CTDP1: variants seen among roughly 807,000 people sequenced by gnomAD.
CTDP1 encodes the protein CTD phosphatase 1, also known as RNA polymerase II subunit A C-terminal domain phosphatase.
CTDP1 carries 47 observed loss-of-function variants against 91.8 expected under a neutral mutation model. The ratio of observed to expected loss-of-function variants is 0.51; its 90% CI spans 0.41 to 0.65. The LOEUF (loss-of-function observed/expected upper bound fraction) is 0.65, where lower values mean the gene tolerates loss of function less well. Ranked by LOEUF, CTDP1 falls within the 30% of genes least tolerant of loss-of-function variation. The probability of loss-of-function intolerance (pLI) is 0.00; values close to 1 mark genes in which losing one functional copy is unlikely to be tolerated. For synonymous variants in CTDP1, 656 were observed against 598.5 expected (o/e 1.10, Z -1.40); for missense variants, 1,272 against 1,373.7 (o/e 0.93, Z 1.17).
intron 1 of CTDP1, chr18:79,685,380 G>C (rs2122381064): frequency 6.6e-6 from 1 of 152,244 alleles, no homozygotes; most frequent in South Asian, 2.1e-4. Flanking sequence ...AATCGCCACA[G>C]AAAGGGGAAG....
intron 1 of CTDP1, chr18:79,685,593 A>G (rs1405550190): frequency 6.6e-6 from 1 of 152,210 alleles, no homozygotes; most frequent in African/African-American, 2.4e-5. Flanking sequence ...GATCATTCCA[A>G]CAGCAACGGT....
intron 12 of CTDP1, among the ~76,000 whole-genome samples, chr18:79,748,064 A>G (rs1300702174): frequency 6.6e-6 from 1 of 152,194 alleles, no homozygotes; most frequent in Non-Finnish European, 1.5e-5. Context: ...CCCAAATTCT[A>G]TCTGTTAACA....
intron 10 of CTDP1, among the ~76,000 whole-genome samples, chr18:79,720,736 G>C (rs1199433864): frequency 6.6e-6 from 1 of 152,134 alleles, no homozygotes; most frequent in African/African-American, 2.4e-5. Context: ...AGCTCTTCGA[G>C]GCCAGCAGGT....
At chr18:79,711,295 T>C (rs2086078842) in intron 6 of CTDP1, among the ~76,000 whole-genome samples, 1 of 152,172 alleles carries the variant, frequency 6.6e-6, no homozygotes, top group South Asian at 2.1e-4. Flanking sequence ...TTTTCATTCC[T>C]ATGCGAAGAC....
intron 12 of CTDP1, among the ~76,000 whole-genome samples, chr18:79,748,557 G>A (rs1296340117): frequency 1.3e-5 from 2 of 152,198 alleles, no homozygotes; most frequent in Non-Finnish European, 2.9e-5. Flanking sequence ...TACCAGCATC[G>A]TGAGGTCCAG....
At chr18:79,755,834 G>A (rs999168418), downstream of CTDP1, 2 of 152,828 alleles carry the variant, frequency 1.3e-5, no homozygotes, top group Admixed American at 1.3e-4. Context: ...CTGGCCTAGG[G>A]GTGAAGAGGA....
chr18:79,717,304 G>GGCCTT (rs1277997018), intron 8 of CTDP1, among the ~76,000 whole-genome samples: 1 of 149,094 alleles, frequency 6.7e-6, no homozygotes, highest in African/African-American at 2.5e-5. Context: ...GCCGAGTGAG[G>GGCCTT]GCCTTGGTGG....
chr18:79,709,204 C>T (rs2086029905), intron 5 of CTDP1, among the ~76,000 whole-genome samples: 3 of 152,074 alleles, frequency 2.0e-5, no homozygotes, highest in Non-Finnish European at 4.4e-5. Context: ...TGTTTAGTAC[C>T]CCTACTTCTA....
chr18:79,688,284 G>A (rs1018929974), intron 1 of CTDP1, among the ~76,000 whole-genome samples: 1 of 152,224 alleles, frequency 6.6e-6, no homozygotes, highest in African/African-American at 2.4e-5. Flanking sequence ...TTTGTTTTGA[G>A]ATGAAGTTTC....
chr18:79,678,581 G>A (rs753193791), upstream of CTDP1: 10 of 152,088 alleles, frequency 6.6e-5, no homozygotes, highest in African/African-American at 1.2e-4. Flanking sequence ...GTCTCCGCTC[G>A]TTTTCAGGCC....
intron 8 of CTDP1, 22 bp from the exon 9 acceptor site, chr18:79,717,513 G>C (rs1568198161): frequency 1.9e-6 from 3 of 1,611,420 alleles, no homozygotes; most frequent in Non-Finnish European, 1.7e-6. Flanking sequence ...GGAACAGCCT[G>C]ACGCAGCCGG....
At chr18:79,747,797 G>A (rs2086910996) in intron 12 of CTDP1, among the ~76,000 whole-genome samples, 2 of 152,170 alleles carry the variant, frequency 1.3e-5, no homozygotes, top group Admixed American at 1.3e-4. Context: ...TGTTCCCGCG[G>A]CCACGCTGGC....
At chr18:79,702,648 A>G (rs1053318011) in intron 4 of CTDP1, 1 of 152,238 alleles carries the variant, frequency 6.6e-6, no homozygotes, top group Non-Finnish European at 1.5e-5. Flanking sequence ...TGTTGGGATT[A>G]TAGGCATTGA....
intron 1 of CTDP1, among the ~76,000 whole-genome samples, chr18:79,692,954 G>A (rs1374129181): frequency 6.6e-6 from 1 of 152,288 alleles, no homozygotes; most frequent in Non-Finnish European, 1.5e-5. Flanking sequence ...GGGAAAGGAC[G>A]TGGGGCCATT....
At position 79,680,054 on chromosome 18, in the gene CTDP1, G is replaced by T. The variant is rs2085324429; in HGVS notation, c.107G>T (p.Arg36Met). Residue 36 changes from arginine (R) to methionine (M), a missense_variant, in exon 1 of 13, where the codon AGG (arginine) becomes ATG (methionine). Physicochemically the swap from Arg to Met is moderately conservative, Grantham distance 91 (BLOSUM62 -1). This residue lies in a region of CTDP1 where 214 missense variants were observed against 179.1 expected (regional missense o/e 1.19). Transcript: ENST00000613122. ...GCGCCGCTGCGCCTGCTGGAGTGGA[G>T]GGTGGCGGCGGGCGCGGCCGTGCGC... Reference protein sequence around the residue: ...GPAPLRLLEWRVAAGAAVRIG... With the variant: ...GPAPLRLLEWMVAAGAAVRIG... 4.0e-6 allele frequency: 5 copies of T among 1,252,902 alleles called. No individual in the cohort carries two copies. The highest frequency in any genetic ancestry group is 5.0e-6 in the Non-Finnish European group (5 of 1,003,194). 77.6% of individuals were successfully genotyped at this position (1,252,902 alleles called of 1,614,324 possible).
chr18:79,685,285 C>T (rs544116532), intron 1 of CTDP1: 1 of 152,330 alleles, frequency 6.6e-6, no homozygotes, highest in South Asian at 2.1e-4. Context: ...TCTGACAGGT[C>T]ACCATCTTTC....
Position 79,695,122 on chromosome 18 carries a change from T to C in CTDP1, c.315-103T>C, listed in dbSNP as rs1012520186. 26 of 989,536 alleles carry C rather than the reference T, an allele frequency of 2.6e-5. No individual in the cohort carries two copies. The African/African-American group carries it at 3.8e-4, about 15-fold the overall frequency. 61.3% of individuals were successfully genotyped at this position (989,536 alleles called of 1,614,324 possible). On this transcript the variant is annotated intron_variant, in intron 1 of 12. Coordinates refer to ENST00000613122, the MANE Select transcript of CTDP1 (RefSeq NM_004715.5). ...GCCTACAAAGTTATGCAAGGGTTAG[T>C]GTAGAATTGGTACAAAAACCTAGAT...
At chr18:79,718,407 G>A (rs899247276) in intron 10 of CTDP1, among the ~76,000 whole-genome samples, 1 of 152,204 alleles carries the variant, frequency 6.6e-6, no homozygotes, top group Admixed American at 6.5e-5. Context: ...CTCCACGTTT[G>A]CTGCTCTGCC....
At chr18:79,710,904 C>T (rs1381960724) in intron 6 of CTDP1, among the ~76,000 whole-genome samples, 2 of 152,022 alleles carry the variant, frequency 1.3e-5, no homozygotes, top group East Asian at 3.9e-4. Context: ...TTCCAGTTTT[C>T]ATTGTTAGCC....
Sources: gnomAD v4.1 joint callset for allele counts (sites outside exome capture counted in the v4.1 genomes callset) on GRCh38, gnomAD v4.1.1 for gene constraint, gnomAD v4.1.1 regional missense constraint, MANE v1.5 for transcripts, NCBI Gene and HGNC (gene_info 2026-07-23, HGNC 2026-07-21) for gene names.